RPP30: variants seen among roughly 807,000 people sequenced by gnomAD.
RPP30 encodes the protein ribonuclease P/MRP subunit p30, also known as ribonuclease P protein subunit p30.
A neutral mutation model predicts 38.6 loss-of-function variants in RPP30; 36 were observed. That is an observed-to-expected ratio of 0.93 (90% confidence interval 0.71 to 1.23). The LOEUF is 1.23. Ranked by LOEUF, RPP30 falls within the 50% of genes most tolerant of loss-of-function variation. RPP30 has a pLI of 0.00. For missense variants in RPP30, 321 were observed against 321.7 expected (o/e 1.00, Z 0.02); for synonymous variants, 126 against 112.7 (o/e 1.12, Z -0.75).
downstream of RPP30, among the ~76,000 whole-genome samples, chr10:90,903,008 A>G (rs1054413327): frequency 2.0e-5 from 3 of 152,220 alleles, no homozygotes; most frequent in African/African-American, 7.2e-5. Flanking sequence ...TTGATGAGCT[A>G]TTGGGGGCAA....
chr10:90,898,019 G>GGA (rs1847162727), intron 10 of RPP30, among the ~76,000 whole-genome samples: 1 of 151,928 alleles, frequency 6.6e-6, no homozygotes, highest in African/African-American at 2.4e-5. Context: ...TCATATACTA[G>GGA]ACCTTGTTCA....
At position 90,901,611 on chromosome 10, in the gene RPP30, G is replaced by A. The variant is rs1847203993; in HGVS notation, c.*932G>A. 1 of 985,040 alleles carries A rather than the reference G, an allele frequency of 1.0e-6. No homozygotes were observed. Among genetic ancestry groups the A allele is most frequent in the South Asian group, 4.7e-5 (1 of 21,272 alleles). The allele number at this position is 985,040 out of a possible 1,614,324, so 61.0% of individuals were successfully genotyped here. A position where few individuals can be genotyped will look rare whatever the true frequency, so the allele number is the denominator to read the frequency against. On this transcript the variant is annotated 3_prime_UTR_variant, in exon 11 of 11. Transcript: ENST00000371703. Reference sequence around the variant, plus strand: ...TTTCCTGATAGCTGTATTAAAAATAGCAAAGCATCGGACTGAACCAACTTT... The same window carrying A: ...TTTCCTGATAGCTGTATTAAAAATAACAAAGCATCGGACTGAACCAACTTT...
chr10:90,888,414 T>C (rs1270063669), intron 6 of RPP30, among the ~76,000 whole-genome samples: 2 of 152,192 alleles, frequency 1.3e-5, no homozygotes, highest in African/African-American at 4.8e-5. Context: ...CTTAGGAACT[T>C]GTATTATTAT....
intron 6 of RPP30, among the ~76,000 whole-genome samples, chr10:90,891,360 G>A (rs769600844): frequency 1.4e-4 from 22 of 152,172 alleles, no homozygotes; most frequent in African/African-American, 7.2e-5. Context: ...CGTCTCATAA[G>A]ACACCAGTCA....
rs773069991 is a variant in RPP30 at position 90,879,064 on chromosome 10, G to A, written c.272G>A (p.Arg91Lys). 1 of 1,613,220 alleles carries A rather than the reference G, an allele frequency of 6.2e-7. No homozygotes were observed. The highest frequency in any genetic ancestry group is 1.3e-5 in the African/African-American group (1 of 74,892). The change falls in exon 5 of 11, where the codon AGA (arginine) becomes AAA (lysine). Residue 91 changes from arginine (R) to lysine (K), a missense_variant and splice_region_variant. Arg to Lys is a conservative substitution (Grantham distance 26). Coordinates refer to ENST00000371703, the MANE Select transcript of RPP30 (RefSeq NM_006413.5). ...VSDPSHCNVL[R>K]ATSSRARLYD... ...ATAACATTCTTTTTGTATTCCTAGAGAGCAACTTCTTCAAGGGCCCGGCTC... is the reference window on the plus strand; with the variant it reads ...ATAACATTCTTTTTGTATTCCTAGAAAGCAACTTCTTCAAGGGCCCGGCTC...
chr10:90,877,473 A>G (rs530316756), intron 4 of RPP30, among the ~76,000 whole-genome samples: 4 of 152,258 alleles, frequency 2.6e-5, no homozygotes, highest in East Asian at 1.9e-4. Flanking sequence ...GAACTTCACT[A>G]TTTAATGGTA....
Position 90,901,006 on chromosome 10 carries a change from G to A in RPP30, c.*327G>A. 6 of 939,372 alleles carry A rather than the reference G, an allele frequency of 6.4e-6. No individual in the cohort carries two copies. Among genetic ancestry groups the A allele is most frequent in the Non-Finnish European group, 7.7e-6 (6 of 776,038 alleles). The allele number at this position is 939,372 out of a possible 1,614,324, so 58.2% of individuals were successfully genotyped here. A position where few individuals can be genotyped will look rare whatever the true frequency, so the allele number is the denominator to read the frequency against. On this transcript the variant is annotated 3_prime_UTR_variant, in exon 11 of 11. Transcript: ENST00000371703. ...TTGTTTCATTTTGTTTTTGAGATAG[G>A]GTCTTTGTTGCTCAGGCTGGAGTAC... is the stretch of plus-strand genomic sequence containing the variant.
At chr10:90,877,173 G>C (rs1035420738) in intron 4 of RPP30, among the ~76,000 whole-genome samples, 1 of 152,100 alleles carries the variant, frequency 6.6e-6, no homozygotes, top group South Asian at 2.1e-4. Context: ...TTAGCAGGCC[G>C]TGCTGGCGGG....
downstream of RPP30, among the ~76,000 whole-genome samples, chr10:90,907,566 T>C (rs1007072325): frequency 1.3e-5 from 2 of 152,224 alleles, no homozygotes; most frequent in Admixed American, 6.5e-5. Context: ...GGTTAACATA[T>C]ATGATCTTAT....
Position 90,896,171 on chromosome 10 carries a change from G to A in RPP30, c.618-142G>A, listed in dbSNP as rs1162338267. 2.0e-5 allele frequency: 14 copies of A among 709,364 alleles called. No individual in the cohort carries two copies. In the East Asian group the frequency reaches 3.6e-4, roughly 18 times the overall value. 43.9% of individuals were successfully genotyped at this position (709,364 alleles called of 1,614,324 possible). A position where few individuals can be genotyped will look rare whatever the true frequency, so the allele number is the denominator to read the frequency against. ...GAGTTAAATGAGTCTTTTCTCAGATGCATGTTCCAGTTGGACTAAGAACTG... is the reference window on the plus strand; with the variant it reads ...GAGTTAAATGAGTCTTTTCTCAGATACATGTTCCAGTTGGACTAAGAACTG... On this transcript the variant is annotated intron_variant, in intron 9 of 10. Transcript: ENST00000371703.
chr10:90,900,497 T>A, intron 10 of RPP30, 73 bp from the exon 11 acceptor site: 1 of 1,449,400 alleles, frequency 6.9e-7, no homozygotes, highest in Non-Finnish European at 9.4e-7. Flanking sequence ...TAAGCCAAAG[T>A]AATATGTTAA....
At chr10:90,887,433 A>G (rs1427332360) in intron 6 of RPP30, among the ~76,000 whole-genome samples, 1 of 148,790 alleles carries the variant, frequency 6.7e-6, no homozygotes, top group South Asian at 2.1e-4. Context: ...CCCAGGCTGG[A>G]GTACAGTGGC....
chr10:90,901,323 T>A lies in RPP30; in HGVS notation c.*644T>A. 1 of 985,098 alleles carries A rather than the reference T, an allele frequency of 1.0e-6. No homozygotes were observed. The highest frequency in any genetic ancestry group is 1.7e-5 in the African/African-American group (1 of 57,344). The allele number at this position is 985,098 out of a possible 1,614,324, so 61.0% of individuals were successfully genotyped here. A position where few individuals can be genotyped will look rare whatever the true frequency, so the allele number is the denominator to read the frequency against. On this transcript the variant is annotated 3_prime_UTR_variant, in exon 11 of 11. Coordinates refer to ENST00000371703, the MANE Select transcript of RPP30 (RefSeq NM_006413.5). Reference sequence around the variant, plus strand: ...TTAAGAGCTTCTTTCGAAAGTTTCTTGTTCATACTCAAATAGTAGTTATTT... The same window carrying A: ...TTAAGAGCTTCTTTCGAAAGTTTCTAGTTCATACTCAAATAGTAGTTATTT...
At chr10:90,888,075 C>T (rs908967552) in intron 6 of RPP30, among the ~76,000 whole-genome samples, 4 of 152,210 alleles carry the variant, frequency 2.6e-5, no homozygotes, top group Non-Finnish European at 4.4e-5. Context: ...GTTTGCCTAA[C>T]CTTTTTACCA....
Position 90,885,906 on chromosome 10 carries a change from G to T in RPP30, c.432+5G>T, listed in dbSNP as rs373344506. 9 of 1,542,820 alleles carry T rather than the reference G, an allele frequency of 5.8e-6. No individual in the cohort carries two copies. The African/African-American group carries it at 1.1e-4, about 19-fold the overall frequency. Reference sequence around the variant, plus strand: ...AAAAGACCTCCTATTAATGTGGTAAGTGTACTTTCCATTCTGTATTTGAAT... The same window carrying T: ...AAAAGACCTCCTATTAATGTGGTAATTGTACTTTCCATTCTGTATTTGAAT... On this transcript the variant is annotated splice_donor_5th_base_variant and intron_variant, in intron 6 of 10. Transcript: ENST00000371703.
intron 6 of RPP30, among the ~76,000 whole-genome samples, chr10:90,890,587 G>A (rs1242308380): frequency 6.6e-6 from 1 of 151,960 alleles, no homozygotes; most frequent in Non-Finnish European, 1.5e-5. Flanking sequence ...TGAGTGTTCT[G>A]TAAACTTTGT....
In RPP30 at chr10:90,889,396, G is replaced by A. The variant is rs184078474; in HGVS notation, c.432+3495G>A. 4.1e-3 allele frequency among the ~76,000 whole-genome samples: 552 copies of A among 133,070 alleles called. 6 individuals are homozygous for A. The highest frequency in any genetic ancestry group is 0.041 in the Admixed American group (479 of 11,820). The allele number at this position is 133,070 out of a possible 152,430, so 87.3% of individuals were successfully genotyped here. A position where few individuals can be genotyped will look rare whatever the true frequency, so the allele number is the denominator to read the frequency against. On this transcript the variant is annotated intron_variant, in intron 6 of 10. Transcript: ENST00000371703. ...GTGATCTCGGCTCACTGCAGCCTCC[G>A]CCTCCTCAGTTCAAGCAATTCTCCT...
At chr10:90,875,518 A>G in intron 2 of RPP30, 40 bp from the exon 3 acceptor site, 1 of 1,541,294 alleles carries the variant, frequency 6.5e-7, no homozygotes, top group Non-Finnish European at 9.0e-7. Flanking sequence ...TGTGCTATTA[A>G]TGGATACAAT....
At chr10:90,903,478 TAAATG>T (rs1435114019), downstream of RPP30, among the ~76,000 whole-genome samples, 1 of 152,140 alleles carries the variant, frequency 6.6e-6, no homozygotes, top group East Asian at 1.9e-4. Context: ...ACTCGTGAAA[TAAATG>T]GGAAAAAAGT....
Sources: allele counts gnomAD v4.1 joint callset (sites outside exome capture counted in the v4.1 genomes callset), GRCh38; gene constraint gnomAD v4.1.1; transcripts MANE v1.5; gene names NCBI Gene and HGNC (gene_info 2026-07-23, HGNC 2026-07-21).